GRIK2: variants seen among roughly 807,000 people sequenced by gnomAD.
GRIK2 encodes glutamate ionotropic receptor kainate type subunit 2, also known as glutamate receptor ionotropic, kainate 2.
A neutral mutation model predicts 100.3 loss-of-function variants in GRIK2; 32 were observed. The observed-to-expected ratio is 0.32, with a 90% CI of 0.24 to 0.43. The LOEUF (loss-of-function observed/expected upper bound fraction) is 0.43, where lower values mean the gene tolerates loss of function less well. GRIK2 is among the 20% of genes least tolerant of loss of function. The probability of loss-of-function intolerance (pLI) is 1.00; values close to 1 mark genes in which losing one functional copy is unlikely to be tolerated. For synonymous variants in GRIK2, 417 were observed against 389.4 expected, an observed-to-expected ratio of 1.07 and a Z score of -0.83; for missense variants, 843 against 1,114.9, an observed-to-expected ratio of 0.76 and a Z score of 3.47.
chr6:101,671,447 T>A (rs1330445148), intron 4 of GRIK2, among the ~76,000 whole-genome samples: 1 of 152,194 alleles, frequency 6.6e-6, no homozygotes, highest in Non-Finnish European at 1.5e-5. Flanking sequence ...GTCTCTTTAC[T>A]ATTTAGTTTA....
At chr6:101,677,396 A>G (rs1770919499) in intron 5 of GRIK2, among the ~76,000 whole-genome samples, 1 of 152,108 alleles carries the variant, frequency 6.6e-6, no homozygotes, top group South Asian at 2.1e-4. Context: ...AGAATAAAGC[A>G]TTGCCTGACA....
intron 14 of GRIK2, among the ~76,000 whole-genome samples, chr6:101,974,994 A>T (rs187219796): frequency 0.016 from 2,472 of 152,088 alleles, 70 homozygotes; most frequent in African/African-American, 0.057. Flanking sequence ...GAAGACAAAA[A>T]ATCTTATATA....
intron 14 of GRIK2, among the ~76,000 whole-genome samples, chr6:101,938,392 C>A (rs753092056): frequency 1.3e-5 from 2 of 151,964 alleles, no homozygotes; most frequent in South Asian, 2.1e-4. Context: ...AGGAAAAGGA[C>A]AAAATAAATT....
chr6:101,540,449 A>G (rs138978213), intron 2 of GRIK2, among the ~76,000 whole-genome samples: 333 of 152,104 alleles, frequency 2.2e-3, no homozygotes, highest in Middle Eastern at 6.8e-3. Flanking sequence ...TGGATATCCC[A>G]TTCTCCATGA....
intron 2 of GRIK2, among the ~76,000 whole-genome samples, chr6:101,499,899 T>A (rs1363328062): frequency 6.6e-6 from 1 of 152,152 alleles, no homozygotes; most frequent in African/African-American, 2.4e-5. Flanking sequence ...TAATGGGTGA[T>A]AGGGCAAAAG....
At chr6:101,753,245 T>C (rs1321222499) in intron 7 of GRIK2, among the ~76,000 whole-genome samples, 2 of 142,218 alleles carry the variant, frequency 1.4e-5, no homozygotes, top group African/African-American at 2.6e-5. Context: ...ATCTTGCCAC[T>C]GCACTCCAGC....
intron 2 of GRIK2, among the ~76,000 whole-genome samples, chr6:101,532,401 C>T (rs1035969529): frequency 6.6e-6 from 1 of 151,870 alleles, no homozygotes; most frequent in Non-Finnish European, 1.5e-5. Context: ...ATGTACATGC[C>T]TGTGGAACAG....
At chr6:101,888,142 T>G (rs1364313425) in intron 11 of GRIK2, among the ~76,000 whole-genome samples, 1 of 152,138 alleles carries the variant, frequency 6.6e-6, no homozygotes, top group Non-Finnish European at 1.5e-5. Context: ...TCTGTACAAA[T>G]TATTGAATGA....
At chr6:101,434,859 G>A (rs1769624793) in intron 2 of GRIK2, among the ~76,000 whole-genome samples, 1 of 151,976 alleles carries the variant, frequency 6.6e-6, no homozygotes, top group Non-Finnish European at 1.5e-5. Context: ...ATAAACCAAA[G>A]GAAATAAATA....
chr6:101,954,578 A>G (rs1791798917), intron 14 of GRIK2, among the ~76,000 whole-genome samples: 1 of 152,032 alleles, frequency 6.6e-6, no homozygotes, highest in African/African-American at 2.4e-5. Flanking sequence ...GTGGGTTAGA[A>G]CTCTTCTATT....
chr6:101,574,195 A>C (rs918536031), intron 2 of GRIK2, among the ~76,000 whole-genome samples: 3 of 150,602 alleles, frequency 2.0e-5, no homozygotes, highest in Non-Finnish European at 4.4e-5. Flanking sequence ...ATACAAGGAT[A>C]ATACAAAGCA....
chr6:102,048,243 A>G (rs1290029332), intron 15 of GRIK2, among the ~76,000 whole-genome samples: 2 of 151,946 alleles, frequency 1.3e-5, no homozygotes, highest in African/African-American at 4.8e-5. Flanking sequence ...TAAGGTCAGA[A>G]ATTGTAGAAG....
At chr6:101,975,535 A>G (rs988174240) in intron 14 of GRIK2, among the ~76,000 whole-genome samples, 15 of 151,982 alleles carry the variant, frequency 9.9e-5, no homozygotes, top group African/African-American at 3.6e-4. Flanking sequence ...ACAAGGATAA[A>G]GAGGAATCCA....
chr6:101,651,112 C>T (rs1325471189), intron 4 of GRIK2, among the ~76,000 whole-genome samples: 1 of 149,600 alleles, frequency 6.7e-6, no homozygotes, highest in Admixed American at 6.8e-5. Context: ...CTCTCATCTT[C>T]ACTTTCCTAG....
intron 15 of GRIK2, among the ~76,000 whole-genome samples, chr6:102,051,257 CT>C (rs1562140248): frequency 6.3e-5 from 6 of 95,926 alleles, no homozygotes; most frequent in Admixed American, 5.8e-4. Flanking sequence ...CCCTCCCTTC[CT>C]TCCTTCCTTC....
At chr6:101,896,323 A>T (rs1279813001) in intron 12 of GRIK2, among the ~76,000 whole-genome samples, 2 of 151,786 alleles carry the variant, frequency 1.3e-5, no homozygotes, top group Non-Finnish European at 3.0e-5. Flanking sequence ...TCTTCAGAGG[A>T]GAAATCAAAC....
At chr6:101,503,078 A>G (rs1431476187) in intron 2 of GRIK2, among the ~76,000 whole-genome samples, 2 of 152,180 alleles carry the variant, frequency 1.3e-5, no homozygotes, top group Non-Finnish European at 2.9e-5. Context: ...CCAGGAGACT[A>G]CTGTGGCATT....
intron 2 of GRIK2, among the ~76,000 whole-genome samples, chr6:101,465,974 C>T (rs1260474471): frequency 6.6e-6 from 1 of 152,128 alleles, no homozygotes; most frequent in East Asian, 1.9e-4. Context: ...CCCACATGAG[C>T]TGAAAAACAA....
chr6:101,663,540 T>A (rs1353703721), intron 4 of GRIK2, among the ~76,000 whole-genome samples: 1 of 152,084 alleles, frequency 6.6e-6, no homozygotes, highest in Non-Finnish European at 1.5e-5. Context: ...GGAGAAGAAA[T>A]ATACAGGATG....
Sources: gnomAD v4.1 joint callset for allele counts (sites outside exome capture counted in the v4.1 genomes callset) on GRCh38, gnomAD v4.1.1 for gene constraint, MANE v1.5 for transcripts, NCBI Gene and HGNC (gene_info 2026-07-23, HGNC 2026-07-21) for gene names.